Variants in PLB1 observed in about 807,000 individuals in gnomAD.
The protein encoded by PLB1 is phospholipase B1, membrane-associated.
A neutral mutation model predicts 227.4 loss-of-function variants in PLB1; 242 were observed. The observed-to-expected ratio is 1.06, with a 90% CI of 0.96 to 1.18. The LOEUF is 1.18. Among genes scored for constraint, PLB1 ranks in the 50% most tolerant of loss-of-function variants. The pLI is 0.00. For synonymous variants in PLB1, 757 were observed against 682.2 expected (o/e 1.11, Z -1.71); for missense variants, 1,858 against 1,816.3 (o/e 1.02, Z -0.42).
At chr2:28,598,815 G>T (rs1443030488) in intron 35 of PLB1, 55 bp downstream of exon 35, 4 of 1,455,008 alleles carry the variant, frequency 2.7e-6, no homozygotes, top group Non-Finnish European at 3.9e-6. Context: ...AATGTGGATA[G>T]TACCCTTTAA....
chr2:28,593,824 T>A (rs1404394246), intron 33 of PLB1, 70 bp downstream of exon 33: 2 of 1,342,256 alleles, frequency 1.5e-6, no homozygotes, highest in East Asian at 2.4e-5. Flanking sequence ...TTGTCTCCTG[T>A]AAATATGTAA....
At chr2:28,579,598 G>A in intron 22 of PLB1, 29 bp from the exon 23 acceptor site, 1 of 1,566,166 alleles carries the variant, frequency 6.4e-7, no homozygotes, top group Non-Finnish European at 8.8e-7. Context: ...GGGACAAGGT[G>A]CTTACTTCTG....
intron 52 of PLB1, 144 bp downstream of exon 52, chr2:28,628,772 A>C: frequency 1.2e-6 from 1 of 824,074 alleles, no homozygotes; most frequent in Non-Finnish European, 2.0e-6. Context: ...GTGGCTGTCA[A>C]GCTCCTCTGC....
Position 28,566,817 on chromosome 2 carries a change from C to T in PLB1, c.1302C>T (p.Ile434=), listed in dbSNP as rs538065102. The T allele has an allele frequency of 1.2e-5, 19 of 1,614,104 alleles. No individual in the cohort carries two copies. Among genetic ancestry groups the T allele is most frequent in the Non-Finnish European group, 1.4e-5 (17 of 1,180,010 alleles). Residue 434 remains isoleucine, a synonymous_variant, in exon 20 of 58, where the codon ATC becomes ATT. Coordinates refer to ENST00000327757, the MANE Select transcript of PLB1 (RefSeq NM_153021.5). ...ACAGCGTCGGCGGAGATGAGAACAT[C>T]GGCACCGTTACCACCCTGGCGAGTG... The part of the protein sequence containing the change: ...LSWSVGGDEN[I]GTVTTLANIL...
chr2:28,565,413 C>G, intron 19 of PLB1, 60 bp downstream of exon 19: 2 of 1,467,562 alleles, frequency 1.4e-6, no homozygotes, highest in South Asian at 2.4e-5. Flanking sequence ...GGGAAGCCCC[C>G]TGAGTGTTCT....
At chr2:28,565,133 T>G (rs1205280459) in intron 18 of PLB1, 147 bp from the exon 19 acceptor site, 1 of 633,560 alleles carries the variant, frequency 1.6e-6, no homozygotes, top group East Asian at 2.8e-5. Flanking sequence ...AGGATACATA[T>G]GGAGACATGG....
At chr2:28,538,143 T>A in intron 9 of PLB1, 176 bp from the exon 10 acceptor site, 1 of 792,772 alleles carries the variant, frequency 1.3e-6, no homozygotes, top group South Asian at 1.5e-5. Flanking sequence ...AAGAACAAAA[T>A]GAAGACAAAA....
chr2:28,541,793 C>A lies in PLB1; in HGVS notation c.861C>A (p.Thr287=), dbSNP rs747781534. Residue 287 remains threonine (T), a synonymous_variant, in exon 13 of 58, where the codon ACC becomes ACA. Coordinates refer to ENST00000327757, the MANE Select transcript of PLB1 (RefSeq NM_153021.5). Reference sequence around the variant, plus strand: ...TTTTCCAGCCTTTCTTCTATGAGACCACCCCATCTCTACACTCGGTAAGTG... The same window carrying A: ...TTTTCCAGCCTTTCTTCTATGAGACAACCCCATCTCTACACTCGGTAAGTG... ...TVVFQPFFYE[T]TPSLHSEDPR... The A allele has an allele frequency of 6.2e-7, 1 of 1,613,048 alleles. No individual in the cohort carries two copies. The highest frequency in any genetic ancestry group is 1.1e-5 in the South Asian group (1 of 91,058).
At chr2:28,504,327 A>G (rs1667416841) in intron 1 of PLB1, among the ~76,000 whole-genome samples, 1 of 152,218 alleles carries the variant, frequency 6.6e-6, no homozygotes. Context: ...ATCGTTGAAG[A>G]TTTTGAAAAT....
intron 14 of PLB1, chr2:28,548,585 CTATATA>C: frequency 2.2e-6 from 1 of 454,270 alleles, no homozygotes; most frequent in Non-Finnish European, 4.4e-6. Context: ...GAAGTCCCTT[CTATATA>C]TATATATATA....
At chr2:28,612,157 CAAGA>C (rs1247688898) in intron 43 of PLB1, among the ~76,000 whole-genome samples, 1 of 152,156 alleles carries the variant, frequency 6.6e-6, no homozygotes, top group Middle Eastern at 3.4e-3. Context: ...AAAAAGCAAG[CAAGA>C]AAGAAAGGAT....
chr2:28,585,910 C>T lies in PLB1; in HGVS notation c.1815+68C>T, dbSNP rs987751028. 2.9e-6 allele frequency: 4 copies of T among 1,387,918 alleles called. No individual in the cohort carries two copies. In the African/African-American group the frequency reaches 4.3e-5, roughly 15 times the overall value. The allele number at this position is 1,387,918 out of a possible 1,614,324, so 86.0% of individuals were successfully genotyped here. ...TGATTCGATTGCTCTGTCTAGAGAA[C>T]AAGTCAGTGCTTAGGTAATTTTGAC... On this transcript the variant is annotated intron_variant, in intron 26 of 57. Coordinates refer to ENST00000327757, the MANE Select transcript of PLB1 (RefSeq NM_153021.5).
intron 6 of PLB1, among the ~76,000 whole-genome samples, chr2:28,529,003 A>C (rs1168816943): frequency 7.0e-6 from 1 of 142,004 alleles, no homozygotes; most frequent in Non-Finnish European, 1.5e-5. Flanking sequence ...GCTGGAGTGC[A>C]GTGGCACAAA....
At chr2:28,633,102 C>T in intron 56 of PLB1, 63 bp downstream of exon 56, 2 of 1,399,174 alleles carry the variant, frequency 1.4e-6, no homozygotes, top group Non-Finnish European at 2.0e-6. Context: ...GACACTCTGT[C>T]TCACAATGGC....
rs1690224770 is a variant in PLB1 at position 28,643,965 on chromosome 2, CTT to C, written c.*907_*908del. On this transcript the variant is annotated 3_prime_UTR_variant, in exon 58 of 58. Transcript: ENST00000327757. ...GCTGGAGGCCTTCCACAGATGGTCTCTTTTATGCTGCACAAAAGCCCAGGGAG... is the reference window on the plus strand; with the variant it reads ...GCTGGAGGCCTTCCACAGATGGTCTCTTATGCTGCACAAAAGCCCAGGGAG... Among the ~76,000 whole-genome samples the C allele has an allele frequency of 2.0e-5, 3 of 152,340 alleles. No homozygotes were observed. In the South Asian group the frequency reaches 6.2e-4, roughly 32 times the overall value.
intron 25 of PLB1, 50 bp from the exon 26 acceptor site, chr2:28,585,711 A>C (rs1332086743): frequency 7.1e-7 from 1 of 1,410,228 alleles, no homozygotes; most frequent in Non-Finnish European, 1.0e-6. Context: ...TCACTTATTC[A>C]GGATGGTGAT....
At chr2:28,625,216 C>G (rs1236892484) in intron 50 of PLB1, 108 bp downstream of exon 50, 9 of 1,065,140 alleles carry the variant, frequency 8.4e-6, no homozygotes, top group Non-Finnish European at 1.2e-5. Flanking sequence ...CTGCTTTGGG[C>G]TAGCCAAAAG....
chr2:28,555,946 G>GGTGATCTCC lies in PLB1; in HGVS notation c.1147+2955_1147+2956insGTGATCTCC, dbSNP rs1257668585. 3.5e-5 allele frequency among the ~76,000 whole-genome samples: 5 copies of GGTGATCTCC among 143,190 alleles called. No homozygotes were observed. The Admixed American group carries it at 3.7e-4, about 11-fold the overall frequency. 93.9% of individuals were successfully genotyped at this position (143,190 alleles called of 152,430 possible). A position where few individuals can be genotyped will look rare whatever the true frequency, so the allele number is the denominator to read the frequency against. On this transcript the variant is annotated intron_variant, in intron 17 of 57. Transcript: ENST00000327757. ...TGTAGTGGTGCGATCTCACCTCACT[G>GGTGATCTCC]CAGCCTTGATCTCCCTGGCTCGAGA...
intron 33 of PLB1, chr2:28,595,724 A>T (rs180955804): frequency 2.5e-4 from 38 of 152,234 alleles, no homozygotes; most frequent in African/African-American, 9.2e-4. Context: ...TGGACAAACT[A>T]GGCAATTAAT....
Sources: gnomAD v4.1 joint callset for allele counts (sites outside exome capture counted in the v4.1 genomes callset) on GRCh38, gnomAD v4.1.1 for gene constraint, MANE v1.5 for transcripts, NCBI Gene and HGNC (gene_info 2026-07-23, HGNC 2026-07-21) for gene names.